The following ABR variants were observed in gnomAD, a reference collection of about 807,000 sequenced individuals.
ABR encodes active breakpoint cluster region-related protein.
A neutral mutation model predicts 107.2 loss-of-function variants in ABR; 35 were observed. The observed-to-expected ratio is 0.33, with a 90% CI of 0.25 to 0.43. The LOEUF (loss-of-function observed/expected upper bound fraction) is 0.43, where lower values mean the gene tolerates loss of function less well. Ranked by LOEUF, ABR falls within the 20% of genes least tolerant of loss-of-function variation. The probability of loss-of-function intolerance (pLI) is 1.00; values close to 1 mark genes in which losing one functional copy is unlikely to be tolerated. For missense variants in ABR, 815 were observed against 1,115.2 expected (o/e 0.73, Z 3.83); for synonymous variants, 498 against 462.0 (o/e 1.08, Z -1.00).
At chr17:1,016,062 C>T (rs1286714919) in intron 16 of ABR, among the ~76,000 whole-genome samples, 1 of 152,168 alleles carries the variant, frequency 6.6e-6, no homozygotes, top group African/African-American at 2.4e-5. Flanking sequence ...ACATTTTGTT[C>T]ACATAAAGAA....
intron 2 of ABR, among the ~76,000 whole-genome samples, chr17:1,113,601 A>G (rs1030490900): frequency 1.3e-5 from 2 of 151,938 alleles, no homozygotes; most frequent in Non-Finnish European, 2.9e-5. Flanking sequence ...GCTTATTTTT[A>G]GATTCGACTT....
chr17:1,196,727 C>T (rs902800992), intron 1 of ABR, among the ~76,000 whole-genome samples: 4 of 148,762 alleles, frequency 2.7e-5, no homozygotes, highest in Non-Finnish European at 5.9e-5. Flanking sequence ...CGGAGTCTTG[C>T]TCTGTCGCCC....
chr17:1,121,027 CAGAGTG>C (rs1273783502), intron 2 of ABR, among the ~76,000 whole-genome samples: 1 of 152,250 alleles, frequency 6.6e-6, no homozygotes, highest in African/African-American at 2.4e-5. Flanking sequence ...CCTTTCTTCT[CAGAGTG>C]AAACTGGGCA....
In ABR at chr17:1,179,718, G is replaced by T; in HGVS notation, c.10C>A (p.Leu4Ile). 1 of 1,554,876 alleles carries T rather than the reference G, an allele frequency of 6.4e-7. No individual in the cohort carries two copies. The highest frequency in any genetic ancestry group is 1.2e-5 in the South Asian group (1 of 84,200). ...AGGCGCGGCAGGCCCCGGTGGCTGAGCGGCTCCATCCCGCGGCGGCGGCTC... is the reference window on the plus strand; with the variant it reads ...AGGCGCGGCAGGCCCCGGTGGCTGATCGGCTCCATCCCGCGGCGGCGGCTC... MEPLSHRGLPRLSW... is the reference protein window; with the variant it reads MEPISHRGLPRLSW... Residue 4 changes from leucine to isoleucine, a missense_variant, in exon 1 of 23, where the codon CTC (leucine) becomes ATC (isoleucine). Leu to Ile is a conservative substitution (Grantham distance 5, BLOSUM62 2). This residue lies in a region of ABR where 129 missense variants were observed against 124.8 expected (regional missense o/e 1.03). Transcript: ENST00000302538. This position sits in a 1 kb window ranked among gnomAD's most constrained non-coding sequence, Gnocchi z 4.9.
intron 17 of ABR, 37 bp from the exon 18 acceptor site, chr17:1,012,834 G>C: frequency 6.6e-7 from 1 of 1,506,950 alleles, no homozygotes. Flanking sequence ...ATTCCCCAGG[G>C]TGTGAGTGCC....
Position 1,042,163 on chromosome 17 carries a change from C to A in ABR, c.1791+7887G>T, listed in dbSNP as rs530659815. Among the ~76,000 whole-genome samples, 5 of 145,806 alleles carry A rather than the reference C, an allele frequency of 3.4e-5. No individual in the cohort carries two copies. In the South Asian group the frequency reaches 1.1e-3, roughly 32 times the overall value. Reference sequence around the variant, plus strand: ...TGGGTGGAAACAACCCAAATGTGCACGGATGGACGGACGGACAGACGGATA... The same window carrying A: ...TGGGTGGAAACAACCCAAATGTGCAAGGATGGACGGACGGACAGACGGATA... On this transcript the variant is annotated intron_variant, in intron 16 of 22. Coordinates refer to ENST00000302538, the MANE Select transcript of ABR (RefSeq NM_021962.5).
intron 16 of ABR, among the ~76,000 whole-genome samples, chr17:1,018,324 G>A (rs928896791): frequency 3.3e-5 from 5 of 152,214 alleles, no homozygotes; most frequent in Admixed American, 1.3e-4. Flanking sequence ...TTACGGGCGT[G>A]AGCCACCACG....
intron 1 of ABR, among the ~76,000 whole-genome samples, chr17:1,137,902 AC>A (rs1415633733): frequency 1.3e-5 from 2 of 149,008 alleles, no homozygotes; most frequent in Non-Finnish European, 3.0e-5. Context: ...AACCACAATT[AC>A]TTTTTTTTTT....
intron 6 of ABR, among the ~76,000 whole-genome samples, chr17:1,076,021 G>A (rs564915764): frequency 5.3e-5 from 8 of 152,256 alleles, no homozygotes; most frequent in African/African-American, 1.7e-4. Context: ...CAGCCTGGGC[G>A]ACACAGTGAG....
Position 1,092,701 on chromosome 17 carries a change from CAG to C in ABR, c.346-853_346-852del, listed in dbSNP as rs2037114715. Among the ~76,000 whole-genome samples, 1 of 69,734 alleles carries C rather than the reference CAG, an allele frequency of 1.4e-5. No individual in the cohort carries two copies. The highest frequency in any genetic ancestry group is 3.6e-5 in the Non-Finnish European group (1 of 28,010). The allele number at this position is 69,734 out of a possible 152,430, so 45.7% of individuals were successfully genotyped here. A position where few individuals can be genotyped will look rare whatever the true frequency, so the allele number is the denominator to read the frequency against. ...CCTACAATGAATGAATATGAATAAT[CAG>C]AAAAAAAAAAACCAAAGATGACCAG... On this transcript the variant is annotated intron_variant, in intron 3 of 22. Transcript: ENST00000302538. The surrounding 1 kb of genome is among the most constrained non-coding windows in gnomAD (Gnocchi z 4.6).
intron 1 of ABR, among the ~76,000 whole-genome samples, chr17:1,196,239 G>C (rs2042561998): frequency 6.6e-6 from 1 of 151,780 alleles, no homozygotes; most frequent in Admixed American, 6.6e-5. Context: ...AGACCAGCCT[G>C]GCCAACATGG....
At chr17:1,076,908 T>G (rs1479863045) in intron 6 of ABR, among the ~76,000 whole-genome samples, 1 of 152,204 alleles carries the variant, frequency 6.6e-6, no homozygotes, top group African/African-American at 2.4e-5. Context: ...GCCTGCTTCC[T>G]GCCCGGCCTC....
intron 1 of ABR, among the ~76,000 whole-genome samples, chr17:1,220,189 G>T (rs935835688): frequency 1.3e-5 from 2 of 151,980 alleles, no homozygotes; most frequent in Non-Finnish European, 2.9e-5. Flanking sequence ...TACTCGGGAG[G>T]CTGAGACAGG....
In ABR at chr17:1,199,598, G is replaced by A. The variant is rs189729703; in HGVS notation, c.838+29195C>T. ...CAAGTAGCTAGGATTACAGACGCCC[G>A]CCACCACGCCCGGCTAATTTTTGCA... On this transcript the variant is annotated intron_variant, in intron 1 of 22. Coordinates refer to the ABR transcript ENST00000574139. 3.7e-3 allele frequency among the ~76,000 whole-genome samples: 554 copies of A among 151,370 alleles called. 34 individuals carry two copies. The highest frequency in any genetic ancestry group is 0.013 in the African/African-American group (527 of 40,900).
In ABR at chr17:1,100,827, C is replaced by G. The variant is rs1004324006; in HGVS notation, c.247-92G>C. 2.6e-5 allele frequency: 33 copies of G among 1,256,194 alleles called. No homozygotes were observed. In the African/African-American group the frequency reaches 3.6e-4, roughly 14 times the overall value. The allele number at this position is 1,256,194 out of a possible 1,614,324, so 77.8% of individuals were successfully genotyped here. A position where few individuals can be genotyped will look rare whatever the true frequency, so the allele number is the denominator to read the frequency against. On this transcript the variant is annotated intron_variant, in intron 2 of 22. Coordinates refer to ENST00000302538, the MANE Select transcript of ABR (RefSeq NM_021962.5). Reference sequence around the variant, plus strand: ...TGCTTCCCTGCCCTTCCCCCCCGACCTTTATTTTTTTTTTGAGACGAAGTC... The same window carrying G: ...TGCTTCCCTGCCCTTCCCCCCCGACGTTTATTTTTTTTTTGAGACGAAGTC...
intron 16 of ABR, among the ~76,000 whole-genome samples, chr17:1,029,724 G>T (rs2072551083): frequency 6.6e-6 from 1 of 152,196 alleles, no homozygotes. Context: ...AAGAGGCCTG[G>T]CCCTTTGACT....
intron 1 of ABR, among the ~76,000 whole-genome samples, chr17:1,203,369 TGGGGGCGGGGCCTTGA>T (rs1313898664): frequency 1.3e-4 from 4 of 29,854 alleles, no homozygotes; most frequent in Non-Finnish European, 2.2e-4. Context: ...CGGTCCCCCG[TGGGGGCGGGGCCTTGA>T]GGGGGCGGGG....
chr17:1,193,452 C>T (rs547928149), intron 1 of ABR, among the ~76,000 whole-genome samples: 4 of 152,324 alleles, frequency 2.6e-5, no homozygotes, highest in African/African-American at 9.6e-5. Context: ...TCACCACGCC[C>T]GCTTTACAGA....
chr17:1,137,897 C>G (rs926917972), intron 1 of ABR, among the ~76,000 whole-genome samples: 1 of 151,152 alleles, frequency 6.6e-6, no homozygotes, highest in Non-Finnish European at 1.5e-5. Flanking sequence ...GTAAAAACCA[C>G]AATTACTTTT....
Sources: allele counts gnomAD v4.1 joint callset (sites outside exome capture counted in the v4.1 genomes callset), GRCh38; gene constraint gnomAD v4.1.1; regional missense constraint gnomAD v4.1.1; non-coding constraint Gnocchi (gnomAD v3.1); transcripts MANE v1.5; gene names NCBI Gene and HGNC (gene_info 2026-07-23, HGNC 2026-07-21).